DENND10: variants seen among roughly 807,000 people sequenced by gnomAD.
DENND10 encodes DENN domain containing 10.
DENND10 carries 24 observed loss-of-function variants against 43.6 expected under a neutral mutation model. The ratio of observed to expected loss-of-function variants is 0.55; its 90% confidence interval spans 0.40 to 0.77. DENND10 has a LOEUF of 0.77. Among genes scored for constraint, DENND10 ranks in the 30% least tolerant of loss-of-function variants. The pLI is 0.00. For synonymous variants in DENND10, 125 were observed against 157.6 expected (o/e 0.79, Z 1.55); for missense variants, 303 against 429.9 (o/e 0.70, Z 2.61).
chr10:119,112,493 C>CTTTTTTTTTTTTTTTTTTTTT (rs1353576739), intron 3 of DENND10, among the ~76,000 whole-genome samples: 1 of 133,500 alleles, frequency 7.5e-6, no homozygotes, highest in African/African-American at 2.8e-5. Context: ...TTTTCTTTTT[C>CTTTTTTTTTTTTTTTTTTTTT]TTTTTTTTTT....
In DENND10 at chr10:119,117,605, A is replaced by ACGG. The variant is rs1208342778; in HGVS notation, c.421_423dup (p.Gly141dup). 6.2e-7 allele frequency: 1 copy of ACGG among 1,613,998 alleles called. No individual in the cohort carries two copies. Among genetic ancestry groups the ACGG allele is most frequent in the Non-Finnish European group, 8.5e-7 (1 of 1,180,014 alleles). ...AAGGGGATATGCCAGAGTGAAGAAA[A>ACGG]CGGCTCTTTCCTTAGTAAGGATTTT... is the stretch of plus-strand genomic sequence containing the variant. On this transcript the variant is annotated inframe_insertion, in exon 4 of 9. Transcript: ENST00000361432.
At chr10:119,121,784 A>G (rs1434978905) in intron 5 of DENND10, among the ~76,000 whole-genome samples, 1 of 152,030 alleles carries the variant, frequency 6.6e-6, no homozygotes, top group East Asian at 1.9e-4. Context: ...AGGACTTAGC[A>G]TTCGTGTTGG....
chr10:119,111,913 C>G lies in DENND10; in HGVS notation c.317C>G (p.Thr106Ser), dbSNP rs142410714. 1.9e-6 allele frequency: 3 copies of G among 1,610,778 alleles called. No homozygotes were observed. Among genetic ancestry groups the G allele is most frequent in the Middle Eastern group, 1.7e-4 (1 of 6,058 alleles). Residue 106 changes from threonine to serine, a missense_variant, in exon 3 of 9, where the codon ACT (threonine) becomes AGT (serine). Thr to Ser is a moderately conservative substitution (Grantham distance 58, BLOSUM62 1). Coordinates refer to ENST00000361432, the MANE Select transcript of DENND10 (RefSeq NM_207009.4). ...DFNPEKYAAF[T>S]RILCRMYLKH... The stretch of plus-strand genomic sequence containing the variant: ...AACCCAGAGAAGTATGCTGCCTTCA[C>G]TAGGATATTGTGTAGGTCTGTATAA...
intron 3 of DENND10, among the ~76,000 whole-genome samples, 166 bp downstream of exon 3, chr10:119,112,094 G>C (rs1845004146): frequency 6.6e-6 from 1 of 152,136 alleles, no homozygotes; most frequent in Non-Finnish European, 1.5e-5. Context: ...CTTTTGCTCT[G>C]TTGATACTTC....
At chr10:119,127,025 A>G (rs1466035095) in intron 6 of DENND10, among the ~76,000 whole-genome samples, 32 of 150,352 alleles carry the variant, frequency 2.1e-4, no homozygotes, top group African/African-American at 5.6e-4. Flanking sequence ...CAGCCTCCCA[A>G]GTAGCTGGGA....
At chr10:119,123,820 G>A (rs1196647874) in intron 6 of DENND10, among the ~76,000 whole-genome samples, 1 of 151,530 alleles carries the variant, frequency 6.6e-6, no homozygotes, top group Non-Finnish European at 1.5e-5. Flanking sequence ...TTCCCAAGTG[G>A]GATACTGATC....
chr10:119,117,686 G>A lies in DENND10; in HGVS notation c.481+19G>A. 1 of 1,612,084 alleles carries A rather than the reference G, an allele frequency of 6.2e-7. No homozygotes were observed. The highest frequency in any genetic ancestry group is 8.5e-7 in the Non-Finnish European group (1 of 1,179,342). On this transcript the variant is annotated intron_variant, in intron 4 of 8. Transcript: ENST00000361432. ...ATCAAAGGTAAGAAGGGAAAAAACAGGCCAGGGACGGTGGCTCACGCCTGT... is the reference window on the plus strand; with the variant it reads ...ATCAAAGGTAAGAAGGGAAAAAACAAGCCAGGGACGGTGGCTCACGCCTGT...
At chr10:119,106,513 A>T (rs889559954) in intron 1 of DENND10, among the ~76,000 whole-genome samples, 2 of 149,826 alleles carry the variant, frequency 1.3e-5, no homozygotes, top group Non-Finnish European at 3.0e-5. Flanking sequence ...GCTAATTAAA[A>T]TTTTTTTTTT....
Position 119,137,642 on chromosome 10 carries a change from T to A in DENND10, c.*995T>A, listed in dbSNP as rs1321009215. 2.4e-5 allele frequency: 4 copies of A among 163,740 alleles called. No individual in the cohort carries two copies. The highest frequency in any genetic ancestry group is 5.9e-5 in the Non-Finnish European group (4 of 67,510). The allele number at this position is 163,740 out of a possible 1,614,324, so 10.1% of individuals were successfully genotyped here. A position where few individuals can be genotyped will look rare whatever the true frequency, so the allele number is the denominator to read the frequency against. On this transcript the variant is annotated 3_prime_UTR_variant, in exon 9 of 9. Transcript: ENST00000361432. ...TTAGTGTATTCATTCATATTGACTG[T>A]AAAGGATTATTTTTCACTCAGTACT...
intron 8 of DENND10, among the ~76,000 whole-genome samples, chr10:119,136,197 G>A (rs2133547814): frequency 6.6e-6 from 1 of 151,742 alleles, no homozygotes; most frequent in Middle Eastern, 3.4e-3. Flanking sequence ...AACAAAAAAA[G>A]GAGTTATCTT....
chr10:119,104,175 G>A lies in DENND10; in HGVS notation c.33G>A (p.Leu11=). The change falls in exon 1 of 9, where the codon CTG becomes CTA. Residue 11 remains leucine, a synonymous_variant. Transcript: ENST00000361432. Reference sequence around the variant, plus strand: ...CGGCCGAGGTGGCGGACACTCAGCTGATGCTTGGAGTCGGGCTGATCGGTG... The same window carrying A: ...CGGCCGAGGTGGCGGACACTCAGCTAATGCTTGGAGTCGGGCTGATCGGTG... MAAAEVADTQ[L]MLGVGLIEKD... is the part of the protein sequence containing the mutation. 4 of 1,524,460 alleles carry A rather than the reference G, an allele frequency of 2.6e-6. No homozygotes were observed. The highest frequency in any genetic ancestry group is 3.5e-6 in the Non-Finnish European group (4 of 1,138,022). 94.4% of individuals were successfully genotyped at this position (1,524,460 alleles called of 1,614,324 possible). A position where few individuals can be genotyped will look rare whatever the true frequency, so the allele number is the denominator to read the frequency against.
At chr10:119,128,410 C>G (rs1275064992) in intron 6 of DENND10, among the ~76,000 whole-genome samples, 1 of 151,890 alleles carries the variant, frequency 6.6e-6, no homozygotes, top group African/African-American at 2.4e-5. Flanking sequence ...GAGTTCGACA[C>G]CAGTCTAGCC....
chr10:119,129,703 T>C lies in DENND10; in HGVS notation c.802+81T>C, dbSNP rs181823323. 1.1e-3 allele frequency: 1,039 copies of C among 973,238 alleles called. 9 individuals carry two copies. The highest frequency in any genetic ancestry group is 3.3e-4 in the South Asian group (24 of 72,698). The allele number at this position is 973,238 out of a possible 1,614,324, so 60.3% of individuals were successfully genotyped here. ...TTAGGCTGATTCTCTAAAACCAGTATGTGAGGGCTGGCTTACCAACTCTGC... is the reference window on the plus strand; with the variant it reads ...TTAGGCTGATTCTCTAAAACCAGTACGTGAGGGCTGGCTTACCAACTCTGC... On this transcript the variant is annotated intron_variant, in intron 7 of 8. Coordinates refer to ENST00000361432, the MANE Select transcript of DENND10 (RefSeq NM_207009.4).
In DENND10 at chr10:119,120,420, C is replaced by T; in HGVS notation, c.561C>T (p.His187=). The change falls in exon 5 of 9, where the codon CAC becomes CAT. Residue 187 remains histidine, a synonymous_variant. Coordinates refer to ENST00000361432, the MANE Select transcript of DENND10 (RefSeq NM_207009.4). ...LMLKKRIVVY[H]PKIEAVQEFT... is the part of the protein sequence containing the mutation. ...TAAAGAAAAGAATTGTGGTGTATCACCCCAAGATAGAAGCGGTCCAGGAGT... is the reference window on the plus strand; with the variant it reads ...TAAAGAAAAGAATTGTGGTGTATCATCCCAAGATAGAAGCGGTCCAGGAGT... 6.2e-7 allele frequency: 1 copy of T among 1,611,474 alleles called. No homozygotes were observed. Among genetic ancestry groups the T allele is most frequent in the Non-Finnish European group, 8.5e-7 (1 of 1,177,674 alleles).
intron 2 of DENND10, among the ~76,000 whole-genome samples, chr10:119,108,513 AAATATTATTTTCATTGGG>A (rs1269494986): frequency 6.6e-6 from 1 of 150,998 alleles, no homozygotes; most frequent in African/African-American, 2.4e-5. Context: ...AGAAAATATT[AAATATTATTTTCATTGGG>A]AATACTCTGT....
chr10:119,124,165 C>A (rs1217495226), intron 6 of DENND10, among the ~76,000 whole-genome samples: 1 of 149,878 alleles, frequency 6.7e-6, no homozygotes, highest in Non-Finnish European at 1.5e-5. Flanking sequence ...TACACTCCAG[C>A]CTGGGCAGCA....
chr10:119,108,080 C>T lies in DENND10; in HGVS notation c.168C>T (p.Leu56=), dbSNP rs770868464. Residue 56 remains leucine, a synonymous_variant, in exon 2 of 9, where the codon CTC becomes CTT. Transcript: ENST00000361432. ...KCCLTDENKL[L]HPFVFGQYRR... ...GCCTTACAGATGAAAACAAACTTCT[C>T]CATCCCTTTGTCTTTGGTCAGTACA... 1.9e-6 allele frequency: 3 copies of T among 1,613,502 alleles called. No individual in the cohort carries two copies. The highest frequency in any genetic ancestry group is 3.3e-5 in the Admixed American group (2 of 59,994).
At chr10:119,119,565 T>C (rs1435172595) in intron 4 of DENND10, among the ~76,000 whole-genome samples, 2 of 151,968 alleles carry the variant, frequency 1.3e-5, no homozygotes, top group Non-Finnish European at 2.9e-5. Context: ...TGTGAGACAC[T>C]GTGCCCAGCC....
At chr10:119,109,371 A>G (rs1211500516) in intron 2 of DENND10, among the ~76,000 whole-genome samples, 1 of 152,188 alleles carries the variant, frequency 6.6e-6, no homozygotes, top group Non-Finnish European at 1.5e-5. Flanking sequence ...AGCAACCAGC[A>G]GGTTTTTTCA....
Sources: gnomAD v4.1 joint callset for allele counts (sites outside exome capture counted in the v4.1 genomes callset) on GRCh38, gnomAD v4.1.1 for gene constraint, MANE v1.5 for transcripts, NCBI Gene and HGNC (gene_info 2026-07-23, HGNC 2026-07-21) for gene names.